The following CHRM3 variants were observed in gnomAD, a reference collection of about 807,000 sequenced individuals.
The protein encoded by CHRM3 is muscarinic acetylcholine receptor M3.
CHRM3 carries 11 observed loss-of-function variants against 41.8 expected under a neutral mutation model. That is an observed-to-expected ratio of 0.26 (90% CI 0.17 to 0.44). The LOEUF (loss-of-function observed/expected upper bound fraction) is 0.44. Among genes scored for constraint, CHRM3 ranks in the 20% least tolerant of loss-of-function variants. The pLI is 1.00. For synonymous variants in CHRM3, 297 were observed against 301.4 expected, an observed-to-expected ratio of 0.99 and a Z score of 0.15; for missense variants, 571 against 745.4, an observed-to-expected ratio of 0.77 and a Z score of 2.72.
rs564889778 is a variant in CHRM3, at chr1:239,909,160, A to C, written c.1709A>C (p.Lys570Thr). The change falls in exon 7 of 7, where the codon AAG becomes ACG. Residue 570 changes from lysine to threonine, a missense_variant. Transcript: ENST00000676153. ...CAGTGTGACAAAAAAAAGAGGCGCA[A>C]GCAGCAGTACCAGCAGAGACAGTCG... ...LCQCDKKKRRKQQYQQRQSVI... is the reference protein window; with the variant it reads ...LCQCDKKKRRTQQYQQRQSVI... 91 of 1,614,130 alleles carry C rather than the reference A, an allele frequency of 5.6e-5. 1 individual carries two copies. In the South Asian group the frequency reaches 9.2e-4, roughly 16 times the overall value.
At chr1:239,755,101 G>A (rs2148607067) in intron 5 of CHRM3, among the ~76,000 whole-genome samples, 1 of 152,132 alleles carries the variant, frequency 6.6e-6, no homozygotes, top group Admixed American at 6.5e-5. Context: ...TCCTTTCTTT[G>A]TTCTCTTAAA....
intron 4 of CHRM3, among the ~76,000 whole-genome samples, chr1:239,664,866 G>A (rs778458944): frequency 6.6e-6 from 1 of 152,014 alleles, no homozygotes; most frequent in African/African-American, 2.4e-5. Context: ...CCACGGTTCG[G>A]TCTACTCTTG....
At chr1:239,568,218 T>A (rs79160633) in intron 3 of CHRM3, among the ~76,000 whole-genome samples, 5,139 of 152,236 alleles carry the variant, frequency 0.034, 107 homozygotes, top group Middle Eastern at 0.058. Context: ...ATGGTTTGGC[T>A]GTGTCCCCAT....
At chr1:239,616,212 G>A (rs567884318) in intron 3 of CHRM3, among the ~76,000 whole-genome samples, 22 of 152,252 alleles carry the variant, frequency 1.4e-4, no homozygotes, top group South Asian at 2.1e-4. Flanking sequence ...AAATTCGTGT[G>A]GTTAAACCTA....
intron 2 of CHRM3, among the ~76,000 whole-genome samples, chr1:239,533,381 G>T (rs1416987636): frequency 6.6e-6 from 1 of 152,020 alleles, no homozygotes; most frequent in Non-Finnish European, 1.5e-5. Flanking sequence ...AGAAGGTGAA[G>T]GAGAAGAAAG....
chr1:239,642,553 C>T (rs965667555), intron 4 of CHRM3, among the ~76,000 whole-genome samples: 34 of 152,276 alleles, frequency 2.2e-4, no homozygotes, highest in Non-Finnish European at 3.1e-4. Context: ...TCCAGTTGAT[C>T]GCATCGGCTC....
chr1:239,649,898 A>G (rs1435981652), intron 4 of CHRM3, among the ~76,000 whole-genome samples: 1 of 152,212 alleles, frequency 6.6e-6, no homozygotes, highest in Non-Finnish European at 1.5e-5. Context: ...GCAGCAGGGC[A>G]CTGTGTTCCA....
At chr1:239,645,036 C>T (rs1345248543) in intron 4 of CHRM3, among the ~76,000 whole-genome samples, 1 of 152,220 alleles carries the variant, frequency 6.6e-6, no homozygotes, top group Non-Finnish European at 1.5e-5. Context: ...CAGCTCACAG[C>T]CCCTTGTCTG....
In CHRM3 at chr1:239,432,202, A is replaced by G. The variant is rs139387995; in HGVS notation, c.-521+44975A>G. On this transcript the variant is annotated intron_variant, in intron 1 of 6. Transcript: ENST00000676153. Reference sequence around the variant, plus strand: ...GAGGAAGAAGACAGGTGAGATGTTCACAATCTCATGTGGAAGTGGTCTATT... The same window carrying G: ...GAGGAAGAAGACAGGTGAGATGTTCGCAATCTCATGTGGAAGTGGTCTATT... Among the ~76,000 whole-genome samples, 1,465 of 151,988 alleles carry G rather than the reference A, an allele frequency of 9.6e-3. 14 individuals are homozygous for G. Among genetic ancestry groups the G allele is most frequent in the Non-Finnish European group, 0.016 (1,104 of 68,016 alleles).
intron 1 of CHRM3, among the ~76,000 whole-genome samples, chr1:239,404,386 A>AAG (rs1210782894): frequency 6.1e-5 from 5 of 82,240 alleles, no homozygotes; most frequent in African/African-American, 2.5e-4. Context: ...GAAAGAAAGA[A>AAG]AGAAAGAAAG....
chr1:239,648,614 T>C (rs748795942), intron 4 of CHRM3, among the ~76,000 whole-genome samples: 11 of 152,064 alleles, frequency 7.2e-5, no homozygotes, highest in Non-Finnish European at 1.5e-4. Flanking sequence ...AAAGGGAATA[T>C]GGTGATTTCA....
intron 6 of CHRM3, among the ~76,000 whole-genome samples, chr1:239,875,326 G>T (rs578097889): frequency 6.6e-6 from 1 of 152,170 alleles, no homozygotes; most frequent in African/African-American, 2.4e-5. Context: ...CTTTGCCATC[G>T]CAAGGTCTCT....
intron 4 of CHRM3, among the ~76,000 whole-genome samples, chr1:239,638,017 G>T (rs1273375553): frequency 6.7e-6 from 1 of 148,680 alleles, no homozygotes; most frequent in Admixed American, 6.8e-5. Context: ...GCAGTGTTTG[G>T]TTTTTTGTTC....
At chr1:239,409,724 C>T (rs1166314970) in intron 1 of CHRM3, among the ~76,000 whole-genome samples, 7 of 152,072 alleles carry the variant, frequency 4.6e-5, no homozygotes, top group Admixed American at 4.6e-4. Context: ...GGGCGGATCA[C>T]GAGGTCAGGA....
At chr1:239,859,819 T>A (rs867344956) in intron 6 of CHRM3, among the ~76,000 whole-genome samples, 2 of 131,424 alleles carry the variant, frequency 1.5e-5, no homozygotes, top group African/African-American at 6.1e-5. Flanking sequence ...TCTAAGTGTT[T>A]TATATATATA....
rs1260478394 is a variant in CHRM3 at position 239,387,238 on chromosome 1, C to A, written c.-521+11C>A. ...GAGCGCAGCTGCCAGGTAGGGACGG[C>A]GCCCGCCACCCAGGCGCTGGGCAGA... On this transcript the variant is annotated intron_variant, in intron 1 of 6. Transcript: ENST00000676153. The surrounding 1 kb of genome is among the most constrained non-coding windows in gnomAD (Gnocchi z 5.1). 3 of 151,902 alleles carry A rather than the reference C, an allele frequency of 2.0e-5. No homozygotes were observed. The highest frequency in any genetic ancestry group is 7.3e-5 in the African/African-American group (3 of 41,350). 9.4% of individuals were successfully genotyped at this position (151,902 alleles called of 1,614,324 possible).
At chr1:239,796,850 C>T (rs1363798073) in intron 5 of CHRM3, among the ~76,000 whole-genome samples, 2 of 152,108 alleles carry the variant, frequency 1.3e-5, no homozygotes, top group Non-Finnish European at 1.5e-5. Context: ...CCCCCTCCCA[C>T]TCTCCCACCC....
chr1:239,685,799 G>A (rs919124147), intron 5 of CHRM3, among the ~76,000 whole-genome samples: 1 of 152,046 alleles, frequency 6.6e-6, no homozygotes, highest in African/African-American at 2.4e-5. Flanking sequence ...GCCAGCCTGG[G>A]CAACAGAGCA....
chr1:239,801,566 A>G (rs1187401805), intron 5 of CHRM3, among the ~76,000 whole-genome samples: 1 of 152,194 alleles, frequency 6.6e-6, no homozygotes, highest in African/African-American at 2.4e-5. Flanking sequence ...TCTGTTTAGT[A>G]ACTAAGCCAT....
Sources: allele counts gnomAD v4.1 joint callset (sites outside exome capture counted in the v4.1 genomes callset), GRCh38; gene constraint gnomAD v4.1.1; non-coding constraint Gnocchi (gnomAD v3.1); transcripts MANE v1.5; gene names NCBI Gene and HGNC (gene_info 2026-07-23, HGNC 2026-07-21).